The following VCAM1 variants were observed in gnomAD, a reference collection of about 807,000 sequenced individuals.
VCAM1 encodes the protein vascular cell adhesion molecule 1.
Under a neutral mutation model 63.8 loss-of-function variants are expected in VCAM1, and 41 were observed. The observed-to-expected ratio is 0.64, with a 90% CI of 0.50 to 0.83. The LOEUF (loss-of-function observed/expected upper bound fraction) is 0.83. Among genes scored for constraint, VCAM1 ranks in the 40% least tolerant of loss-of-function variants. VCAM1 has a pLI of 0.00. For missense variants in VCAM1, 798 were observed against 875.5 expected, an observed-to-expected ratio of 0.91 and a Z score of 1.12; for synonymous variants, 338 against 320.7, an observed-to-expected ratio of 1.05 and a Z score of -0.58.
chr1:100,721,674 T>G (rs929397314), intron 2 of VCAM1, among the ~76,000 whole-genome samples: 1 of 152,072 alleles, frequency 6.6e-6, no homozygotes, highest in Non-Finnish European at 1.5e-5. Context: ...CCGCATGTGT[T>G]GCTCAAGCTT....
At chr1:100,723,408 T>C in intron 3 of VCAM1, 68 bp downstream of exon 3, 1 of 1,486,642 alleles carries the variant, frequency 6.7e-7, no homozygotes, top group South Asian at 1.4e-5. Context: ...AGCAATAAAC[T>C]TAGCAGAAAA....
At chr1:100,727,483 A>C (rs928766547) in intron 4 of VCAM1, among the ~76,000 whole-genome samples, 5 of 152,102 alleles carry the variant, frequency 3.3e-5, no homozygotes, top group African/African-American at 1.2e-4. Context: ...CCCTGGAATA[A>C]TGTCACTCCA....
intron 2 of VCAM1, among the ~76,000 whole-genome samples, chr1:100,721,395 A>G (rs1295814552): frequency 1.3e-5 from 2 of 152,016 alleles, no homozygotes; most frequent in Non-Finnish European, 2.9e-5. Flanking sequence ...TTGCCTCATG[A>G]AAGTGAGTGG....
rs374419855 is a variant in VCAM1, at chr1:100,732,201, T to C, written c.1526-217T>C. 2.6e-5 allele frequency among the ~76,000 whole-genome samples: 4 copies of C among 152,308 alleles called. No individual in the cohort carries two copies. In the South Asian group the frequency reaches 8.3e-4, roughly 32 times the overall value. On this transcript the variant is annotated intron_variant, in intron 6 of 8. Coordinates refer to ENST00000294728, the MANE Select transcript of VCAM1 (RefSeq NM_001078.4). The stretch of plus-strand genomic sequence containing the variant: ...GGTTGCAAGGAAGTGTATACTGAAC[T>C]TACTTCCATTAGAAAACACCATGAC...
In VCAM1 at chr1:100,738,475, G is replaced by A; in HGVS notation, c.*192G>A. The A allele has an allele frequency of 2.0e-6, 1 of 494,894 alleles. No individual in the cohort carries two copies. The highest frequency in any genetic ancestry group is 3.3e-5 in the East Asian group (1 of 29,914). The allele number at this position is 494,894 out of a possible 1,614,324, so 30.7% of individuals were successfully genotyped here. A position where few individuals can be genotyped will look rare whatever the true frequency, so the allele number is the denominator to read the frequency against. ...AGTAAAACTTGCTGCCTGAAGAACAGTAACTGCCATCAAGATGAGAGAACT... is the reference window on the plus strand; with the variant it reads ...AGTAAAACTTGCTGCCTGAAGAACAATAACTGCCATCAAGATGAGAGAACT... On this transcript the variant is annotated 3_prime_UTR_variant, in exon 9 of 9. Coordinates refer to ENST00000294728, the MANE Select transcript of VCAM1 (RefSeq NM_001078.4).
rs144376760 is a variant in VCAM1 at position 100,722,165 on chromosome 1, A to G, written c.341-855A>G. The stretch of plus-strand genomic sequence containing the variant: ...TTTGAATCCACCAATATGTTACTTC[A>G]TCATAATGCATAATGAAAAAGGTAA... On this transcript the variant is annotated intron_variant, in intron 2 of 8. Coordinates refer to ENST00000294728, the MANE Select transcript of VCAM1 (RefSeq NM_001078.4). 7.1e-4 allele frequency among the ~76,000 whole-genome samples: 108 copies of G among 152,202 alleles called. No individual in the cohort carries two copies. The East Asian group carries it at 0.014, about 20-fold the overall frequency.
At position 100,731,845 on chromosome 1, in the gene VCAM1, T is replaced by G. The variant is rs1660473597; in HGVS notation, c.1525+327T>G. ...CTGGTCTCAGATGACTTCACCCACATGTCTGGAGCCATATCTTGGATGACT... is the reference window on the plus strand; with the variant it reads ...CTGGTCTCAGATGACTTCACCCACAGGTCTGGAGCCATATCTTGGATGACT... On this transcript the variant is annotated intron_variant, in intron 6 of 8. Coordinates refer to ENST00000294728, the MANE Select transcript of VCAM1 (RefSeq NM_001078.4). The surrounding 1 kb of genome is among the most constrained non-coding windows in gnomAD (Gnocchi z 4.2). 6.6e-6 allele frequency among the ~76,000 whole-genome samples: 1 copy of G among 152,190 alleles called. No homozygotes were observed. The highest frequency in any genetic ancestry group is 1.5e-5 in the Non-Finnish European group (1 of 68,028).
At position 100,731,451 on chromosome 1, in the gene VCAM1, G is replaced by A; in HGVS notation, c.1458G>A (p.Lys486=). Reference sequence around the variant, plus strand: ...GAAAAGCTCTTGTTTGTCAGGCTAAGTTACATATTGATGACATGGAATTCG... The same window carrying A: ...GAAAAGCTCTTGTTTGTCAGGCTAAATTACATATTGATGACATGGAATTCG... ...DTGKALVCQA[K]LHIDDMEFEP... is the part of the protein sequence containing the mutation. Residue 486 remains lysine (K), a synonymous_variant, in exon 6 of 9, where the codon AAG becomes AAA. Coordinates refer to ENST00000294728, the MANE Select transcript of VCAM1 (RefSeq NM_001078.4). This position sits in a 1 kb window ranked among gnomAD's most constrained non-coding sequence, Gnocchi z 4.2. The A allele has an allele frequency of 6.2e-7, 1 of 1,613,724 alleles. No homozygotes were observed. Among genetic ancestry groups the A allele is most frequent in the Non-Finnish European group, 8.5e-7 (1 of 1,179,826 alleles).
In VCAM1 at chr1:100,731,221, G is replaced by A. The variant is rs762937799; in HGVS notation, c.1228G>A (p.Glu410Lys). ...LYSFPRDPEI[E>K]MSGGLVNGSS... ...AGCATTCCCTAGAGATCCAGAAATC[G>A]AGATGAGTGGTGGCCTCGTGAATGG... The change falls in exon 6 of 9, where the codon GAG (glutamate) becomes AAG (lysine). Residue 410 changes from glutamate to lysine, a missense_variant. Glu to Lys is a moderately conservative substitution (Grantham distance 56, BLOSUM62 1). Transcript: ENST00000294728. This position sits in a 1 kb window ranked among gnomAD's most constrained non-coding sequence, Gnocchi z 4.2. 10 of 1,604,716 alleles carry A rather than the reference G, an allele frequency of 6.2e-6. No homozygotes were observed. In the East Asian group the frequency reaches 1.3e-4, roughly 21 times the overall value.
intron 4 of VCAM1, 93 bp from the exon 5 acceptor site, chr1:100,729,014 A>C: frequency 7.3e-7 from 1 of 1,365,326 alleles, no homozygotes; most frequent in Non-Finnish European, 9.6e-7. Context: ...AGCTGAAAGG[A>C]GATCAGGAAA....
chr1:100,734,782 G>T lies in VCAM1; in HGVS notation c.2059+14G>T. On this transcript the variant is annotated intron_variant, in intron 8 of 8. Transcript: ENST00000294728. ...TTGATGTTCAAGGTGAGTTTGTTTT[G>T]AGTTTTTGTTTTCTTGGTAATAGTT... The T allele has an allele frequency of 6.2e-7, 1 of 1,610,962 alleles. No individual in the cohort carries two copies. The highest frequency in any genetic ancestry group is 1.1e-5 in the South Asian group (1 of 90,648).
At chr1:100,721,620 G>A (rs1659957363) in intron 2 of VCAM1, among the ~76,000 whole-genome samples, 2 of 151,924 alleles carry the variant, frequency 1.3e-5, no homozygotes, top group South Asian at 2.1e-4. Context: ...TTATTGTACC[G>A]GAGCTCAACT....
chr1:100,734,327 A>G (rs1184727368), intron 7 of VCAM1, among the ~76,000 whole-genome samples, 175 bp from the exon 8 acceptor site: 3 of 152,206 alleles, frequency 2.0e-5, no homozygotes, highest in Non-Finnish European at 4.4e-5. Context: ...TAGTTAAAAC[A>G]TGATCATTTC....
At position 100,731,548 on chromosome 1, in the gene VCAM1, T is replaced by C. The variant is rs1326662412; in HGVS notation, c.1525+30T>C. The C allele has an allele frequency of 6.4e-7, 1 of 1,561,654 alleles. No homozygotes were observed. The highest frequency in any genetic ancestry group is 8.7e-7 in the Non-Finnish European group (1 of 1,145,062). On this transcript the variant is annotated intron_variant, in intron 6 of 8. Coordinates refer to ENST00000294728, the MANE Select transcript of VCAM1 (RefSeq NM_001078.4). This position sits in a 1 kb window ranked among gnomAD's most constrained non-coding sequence, Gnocchi z 4.2. ...GTACATATGTGAGGTATCTACAGTT[T>C]AATACCTGTCTCTTTATCGTGTTTG... is the stretch of plus-strand genomic sequence containing the variant.
intron 4 of VCAM1, among the ~76,000 whole-genome samples, chr1:100,725,189 C>T (rs373857159): frequency 3.3e-5 from 5 of 151,822 alleles, no homozygotes; most frequent in African/African-American, 1.2e-4. Flanking sequence ...TTCAAGTTTA[C>T]ACCCCTGGGT....
At chr1:100,726,685 C>T (rs1207509635) in intron 4 of VCAM1, among the ~76,000 whole-genome samples, 1 of 151,990 alleles carries the variant, frequency 6.6e-6, no homozygotes, top group Non-Finnish European at 1.5e-5. Context: ...TATTAAGAGC[C>T]CTTGTCCAAG....
At chr1:100,726,336 T>G (rs1348935044) in intron 4 of VCAM1, among the ~76,000 whole-genome samples, 1 of 152,118 alleles carries the variant, frequency 6.6e-6, no homozygotes, top group African/African-American at 2.4e-5. Flanking sequence ...ATCAATCTTA[T>G]GCACTGCTCC....
chr1:100,720,774 G>GTT (rs1195928130), intron 2 of VCAM1, 23 bp downstream of exon 2: 2 of 1,557,204 alleles, frequency 1.3e-6, no homozygotes, highest in South Asian at 2.4e-5. Flanking sequence ...GAAAATCTTT[G>GTT]TTTTTCTCTC....
Position 100,731,276 on chromosome 1 carries a change from C to T in VCAM1, c.1283C>T (p.Pro428Leu), listed in dbSNP as rs778322449. The T allele has an allele frequency of 8.7e-6, 14 of 1,613,650 alleles. No individual in the cohort carries two copies. In the Admixed American group the frequency reaches 2.3e-4, roughly 27 times the overall value. The change falls in exon 6 of 9, where the codon CCT becomes CTT. Residue 428 changes from proline to leucine, a missense_variant. Transcript: ENST00000294728. The surrounding 1 kb of genome is among the most constrained non-coding windows in gnomAD (Gnocchi z 4.2). ...TCTGTCACTGTAAGCTGCAAGGTTC[C>T]TAGCGTGTACCCCCTTGACCGGCTG... ...GSSVTVSCKV[P>L]SVYPLDRLEI...
Sources: gnomAD v4.1 joint callset for allele counts (sites outside exome capture counted in the v4.1 genomes callset) on GRCh38, gnomAD v4.1.1 for gene constraint, Gnocchi (gnomAD v3.1) non-coding constraint, MANE v1.5 for transcripts, NCBI Gene and HGNC (gene_info 2026-07-23, HGNC 2026-07-21) for gene names.